BORCS5: variants seen among roughly 807,000 people sequenced by gnomAD.
BORCS5 encodes BLOC-1 related complex subunit 5.
A neutral mutation model predicts 22.1 loss-of-function variants in BORCS5; 17 were observed. The observed-to-expected ratio is 0.77, with a 90% confidence interval of 0.53 to 1.15. The LOEUF (loss-of-function observed/expected upper bound fraction) is 1.15, where lower values mean the gene tolerates loss of function less well. BORCS5 is among the 50% of genes most tolerant of loss of function. BORCS5 has a pLI of 0.00. For synonymous variants in BORCS5, 117 were observed against 99.8 expected (o/e 1.17, Z -1.03); for missense variants, 247 against 253.2 (o/e 0.98, Z 0.17).
chr12:12,432,905 T>C (rs954302122), intron 2 of BORCS5, among the ~76,000 whole-genome samples: 16 of 151,884 alleles, frequency 1.1e-4, no homozygotes, highest in Admixed American at 4.6e-4. Context: ...AAGAGTGGGG[T>C]AGGTATAGTT....
At chr12:12,435,576 C>T (rs898732799) in intron 2 of BORCS5, 52 bp from the exon 3 acceptor site, 1 of 1,496,750 alleles carries the variant, frequency 6.7e-7, no homozygotes, top group Admixed American at 1.9e-5. Flanking sequence ...ACTTTATTCA[C>T]AAGTTTATTA....
In BORCS5 at chr12:12,470,425, C is replaced by A. The variant is rs1161952875; in HGVS notation, c.*4649C>A. On this transcript the variant is annotated 3_prime_UTR_variant, in exon 4 of 4. Transcript: ENST00000314565. ...ACTCACATCACTGCCTGAGCTCCAC[C>A]TCCTGTCAGAACAGACCCAGCATTA... Among the ~76,000 whole-genome samples, 1 of 152,170 alleles carries A rather than the reference C, an allele frequency of 6.6e-6. No individual in the cohort carries two copies. Among genetic ancestry groups the A allele is most frequent in the African/African-American group, 2.4e-5 (1 of 41,444 alleles).
At chr12:12,391,624 A>G (rs1026757421) in intron 2 of BORCS5, among the ~76,000 whole-genome samples, 1 of 151,080 alleles carries the variant, frequency 6.6e-6, no homozygotes, top group East Asian at 2.0e-4. Context: ...CTGACCTCAA[A>G]TGATGCGCCC....
chr12:12,406,722 T>C (rs766571355), intron 2 of BORCS5, among the ~76,000 whole-genome samples: 5 of 152,060 alleles, frequency 3.3e-5, no homozygotes. Context: ...TTATAATCAG[T>C]CTTGGTGCGC....
intron 2 of BORCS5, among the ~76,000 whole-genome samples, chr12:12,374,048 T>C (rs1236188087): frequency 1.4e-5 from 2 of 141,392 alleles, no homozygotes; most frequent in African/African-American, 5.5e-5. Context: ...AGTGCAGTGG[T>C]GCAATCTCGG....
intron 2 of BORCS5, among the ~76,000 whole-genome samples, chr12:12,414,659 C>T (rs1471016094): frequency 1.4e-4 from 14 of 98,960 alleles, no homozygotes; most frequent in East Asian, 2.3e-4. Flanking sequence ...CCTCACCTCC[C>T]GGACGGGGCG....
intron 2 of BORCS5, among the ~76,000 whole-genome samples, chr12:12,414,728 G>A (rs1941879122): frequency 7.5e-6 from 1 of 134,058 alleles, no homozygotes; most frequent in African/African-American, 2.9e-5. Context: ...TGGCTGCCGG[G>A]CGGAGACGCT....
intron 2 of BORCS5, among the ~76,000 whole-genome samples, chr12:12,393,810 C>T (rs1018180099): frequency 3.3e-5 from 5 of 151,654 alleles, no homozygotes; most frequent in African/African-American, 1.2e-4. Flanking sequence ...TGTGAGCCAT[C>T]GCGCCCGGCC....
intron 2 of BORCS5, among the ~76,000 whole-genome samples, chr12:12,365,204 G>C (rs1363341685): frequency 6.6e-6 from 1 of 152,064 alleles, no homozygotes; most frequent in African/African-American, 2.4e-5. Flanking sequence ...AGAGGTTATC[G>C]GGGATTTGGT....
At chr12:12,406,111 T>C (rs1219447106) in intron 2 of BORCS5, among the ~76,000 whole-genome samples, 1 of 152,272 alleles carries the variant, frequency 6.6e-6, no homozygotes, top group African/African-American at 2.4e-5. Context: ...CACCAAGGAA[T>C]GTACTTCATG....
intron 2 of BORCS5, among the ~76,000 whole-genome samples, chr12:12,425,431 C>T (rs1475558202): frequency 2.0e-5 from 3 of 152,286 alleles, no homozygotes; most frequent in Non-Finnish European, 2.9e-5. Context: ...ACTGTTTTCC[C>T]CAGCAGGTGC....
intron 1 of BORCS5, among the ~76,000 whole-genome samples, chr12:12,358,489 C>T (rs1237730139): frequency 6.6e-6 from 1 of 152,182 alleles, no homozygotes; most frequent in African/African-American, 2.4e-5. Flanking sequence ...CTTGGAAGGG[C>T]CAGAGTGTCA....
intron 2 of BORCS5, among the ~76,000 whole-genome samples, chr12:12,404,833 G>A (rs1406200351): frequency 6.6e-6 from 1 of 152,050 alleles, no homozygotes; most frequent in Non-Finnish European, 1.5e-5. Flanking sequence ...CAAGTAGCTG[G>A]GATTACAGGT....
At chr12:12,462,465 C>T (rs1442709063) in intron 3 of BORCS5, among the ~76,000 whole-genome samples, 4 of 152,110 alleles carry the variant, frequency 2.6e-5, no homozygotes, top group African/African-American at 4.8e-5. Context: ...GATACTGGGT[C>T]GAGGGTAGCC....
rs948117877 is a variant in BORCS5 at position 12,469,745 on chromosome 12, G to C, written c.*3969G>C. ...TACTTCAGCCAAACCCAGATATATA[G>C]TGCTCAGCAGAAATTATTCAAAATG... is the stretch of plus-strand genomic sequence containing the variant. On this transcript the variant is annotated 3_prime_UTR_variant, in exon 4 of 4. Coordinates refer to ENST00000314565, the MANE Select transcript of BORCS5 (RefSeq NM_058169.6). The C allele has an allele frequency of 2.6e-5, 4 of 152,200 alleles. No individual in the cohort carries two copies. Among genetic ancestry groups the C allele is most frequent in the Non-Finnish European group, 5.9e-5 (4 of 68,034 alleles). 9.4% of individuals were successfully genotyped at this position (152,200 alleles called of 1,614,324 possible).
intron 2 of BORCS5, among the ~76,000 whole-genome samples, chr12:12,435,267 G>A (rs1028512421): frequency 2.6e-5 from 4 of 152,204 alleles, no homozygotes; most frequent in Non-Finnish European, 5.9e-5. Context: ...ACCTTGAAGT[G>A]ATGTGATAAG....
intron 2 of BORCS5, among the ~76,000 whole-genome samples, chr12:12,429,247 C>CT (rs1421075619): frequency 1.3e-5 from 2 of 152,198 alleles, no homozygotes; most frequent in East Asian, 1.9e-4. Flanking sequence ...CCTTCTCCCT[C>CT]TTTTCAGAAG....
intron 2 of BORCS5, among the ~76,000 whole-genome samples, chr12:12,374,767 G>A (rs1443852090): frequency 1.3e-5 from 2 of 152,002 alleles, no homozygotes; most frequent in African/African-American, 4.8e-5. Flanking sequence ...AGACCACCCT[G>A]GCCAACATGG....
At chr12:12,393,130 G>A (rs1284119524) in intron 2 of BORCS5, among the ~76,000 whole-genome samples, 3 of 152,014 alleles carry the variant, frequency 2.0e-5, no homozygotes, top group African/African-American at 7.3e-5. Flanking sequence ...CAGCTACTTG[G>A]GAGGCTGGGG....
Sources: gnomAD v4.1 joint callset for allele counts (sites outside exome capture counted in the v4.1 genomes callset) on GRCh38, gnomAD v4.1.1 for gene constraint, MANE v1.5 for transcripts, NCBI Gene and HGNC (gene_info 2026-07-23, HGNC 2026-07-21) for gene names.